Variants in MED12L observed in about 807,000 individuals in gnomAD.
The protein encoded by MED12L is mediator complex subunit 12L.
MED12L carries 60 observed loss-of-function variants against 281.3 expected under a neutral mutation model. The observed-to-expected ratio is 0.21, with a 90% CI of 0.17 to 0.26. The LOEUF (loss-of-function observed/expected upper bound fraction) is 0.26. Ranked by LOEUF, MED12L falls within the 10% of genes least tolerant of loss-of-function variation. MED12L has a pLI of 1.00. For synonymous variants in MED12L, 974 were observed against 987.2 expected (o/e 0.99, Z 0.25); for missense variants, 2,146 against 2,680.9 (o/e 0.80, Z 4.41).
intron 39 of MED12L, among the ~76,000 whole-genome samples, chr3:151,406,904 A>G (rs1343165579): frequency 6.6e-6 from 1 of 151,442 alleles, no homozygotes; most frequent in African/African-American, 2.4e-5. Flanking sequence ...AGGCCAAGGA[A>G]TCCTCTCACC....
chr3:151,319,877 T>C (rs930184680), intron 16 of MED12L, among the ~76,000 whole-genome samples: 1 of 152,218 alleles, frequency 6.6e-6, no homozygotes, highest in African/African-American at 2.4e-5. Context: ...GTAATCTTAC[T>C]GATTTTTCAA....
At chr3:151,386,050 T>G (rs1227570736) in intron 36 of MED12L, among the ~76,000 whole-genome samples, 2 of 152,152 alleles carry the variant, frequency 1.3e-5, no homozygotes, top group Non-Finnish European at 2.9e-5. Context: ...CCAGGAAAAT[T>G]GACACGAGTC....
rs555211514 is a variant in MED12L at position 151,435,599 on chromosome 3, C to T, written c.*2795C>T. On this transcript the variant is annotated 3_prime_UTR_variant, in exon 45 of 45. Transcript: ENST00000687756. The stretch of plus-strand genomic sequence containing the variant: ...TATCTAAGACCTATGGCATTTTTTT[C>T]CCATTTATAAAGCTCCTATAATTCT... 6.9e-6 allele frequency: 1 copy of T among 144,460 alleles called. No homozygotes were observed. The highest frequency in any genetic ancestry group is 2.1e-4 in the East Asian group (1 of 4,772). The allele number at this position is 144,460 out of a possible 1,614,324, so 8.9% of individuals were successfully genotyped here.
intron 5 of MED12L, among the ~76,000 whole-genome samples, chr3:151,133,673 A>G (rs1047398325): frequency 6.6e-6 from 1 of 152,044 alleles, no homozygotes; most frequent in African/African-American, 2.4e-5. Context: ...TTGCTACTTG[A>G]GGGAGAGTAC....
intron 5 of MED12L, among the ~76,000 whole-genome samples, chr3:151,152,204 G>A (rs1718646294): frequency 6.8e-6 from 1 of 146,742 alleles, no homozygotes; most frequent in African/African-American, 2.5e-5. Flanking sequence ...GGCTCAAGCG[G>A]CCTTCTGACT....
chr3:151,237,195 C>T (rs757793807), intron 16 of MED12L, among the ~76,000 whole-genome samples: 26 of 150,338 alleles, frequency 1.7e-4, no homozygotes, highest in Non-Finnish European at 8.9e-5. Flanking sequence ...CATGCCACCA[C>T]GCCCAGCTAA....
chr3:151,391,793 C>T (rs1247040348), intron 38 of MED12L, among the ~76,000 whole-genome samples: 1 of 152,050 alleles, frequency 6.6e-6, no homozygotes, highest in African/African-American at 2.4e-5. Flanking sequence ...AGATATTTTT[C>T]CTATTATGTT....
At chr3:151,382,878 A>C (rs781654186) in intron 33 of MED12L, 133 bp downstream of exon 33, 2 of 643,552 alleles carry the variant, frequency 3.1e-6, no homozygotes, top group Non-Finnish European at 5.3e-6. Flanking sequence ...CTCTGTAATT[A>C]CTTCCCTGTT....
chr3:151,120,639 G>A (rs1445942816), intron 3 of MED12L, among the ~76,000 whole-genome samples: 1 of 152,182 alleles, frequency 6.6e-6, no homozygotes, highest in Non-Finnish European at 1.5e-5. Flanking sequence ...AATAATAGAT[G>A]TGTGTTTACT....
At chr3:151,182,903 T>G (rs747523332) in intron 11 of MED12L, among the ~76,000 whole-genome samples, 2 of 152,152 alleles carry the variant, frequency 1.3e-5, no homozygotes, top group Non-Finnish European at 2.9e-5. Flanking sequence ...TTGGGATAAC[T>G]ACTTCCAGGT....
chr3:151,253,343 C>T (rs533743344), intron 16 of MED12L, among the ~76,000 whole-genome samples: 3 of 152,346 alleles, frequency 2.0e-5, no homozygotes, highest in East Asian at 3.9e-4. Context: ...GCTCTTACCC[C>T]TCACTCCAGT....
intron 16 of MED12L, among the ~76,000 whole-genome samples, chr3:151,314,969 A>G (rs1430438463): frequency 6.6e-6 from 1 of 152,158 alleles, no homozygotes; most frequent in African/African-American, 2.4e-5. Flanking sequence ...CTTTAAACCC[A>G]AACTACTGCC....
intron 16 of MED12L, among the ~76,000 whole-genome samples, chr3:151,235,845 G>T (rs2149350179): frequency 6.6e-6 from 1 of 152,204 alleles, no homozygotes; most frequent in South Asian, 2.1e-4. Flanking sequence ...TTCTCAGCAA[G>T]GCCTTTCCTG....
intron 16 of MED12L, among the ~76,000 whole-genome samples, chr3:151,215,591 T>A (rs1320569486): frequency 2.0e-5 from 3 of 152,212 alleles, no homozygotes; most frequent in Non-Finnish European, 4.4e-5. Flanking sequence ...AGGAATCCTG[T>A]ATATTCTTCA....
At chr3:151,146,331 G>T (rs1264519374) in intron 5 of MED12L, among the ~76,000 whole-genome samples, 1 of 152,098 alleles carries the variant, frequency 6.6e-6, no homozygotes, top group East Asian at 1.9e-4. Flanking sequence ...TCTGTGTGTG[G>T]AACTCCTTTG....
rs57658133 is a variant in MED12L, at chr3:151,181,576, C to CT, written c.1495-3727dup. On this transcript the variant is annotated intron_variant, in intron 11 of 44. Transcript: ENST00000687756. ...CATGCCACTGTACTTAGCTCATTGT[C>CT]TTTTTTTTTTTTTTTTTTTTTTTTT... is the stretch of plus-strand genomic sequence containing the variant. 2.3e-3 allele frequency among the ~76,000 whole-genome samples: 110 copies of CT among 47,094 alleles called. 6 individuals carry two copies. Among genetic ancestry groups the CT allele is most frequent in the South Asian group, 6.7e-3 (6 of 900 alleles). 30.9% of individuals were successfully genotyped at this position (47,094 alleles called of 152,430 possible).
intron 43 of MED12L, among the ~76,000 whole-genome samples, chr3:151,419,516 C>G (rs926027029): frequency 1.3e-5 from 2 of 152,120 alleles, no homozygotes; most frequent in Non-Finnish European, 2.9e-5. Flanking sequence ...TCTGCCTTCC[C>G]CATCGCACTG....
chr3:151,236,268 A>G, intron 16 of MED12L, among the ~76,000 whole-genome samples: 1 of 152,220 alleles, frequency 6.6e-6, no homozygotes, highest in Non-Finnish European at 1.5e-5. Context: ...TTTGTTCAGC[A>G]CTTCTAGAGT....
intron 39 of MED12L, among the ~76,000 whole-genome samples, chr3:151,404,216 T>C (rs1160935231): frequency 6.6e-6 from 1 of 152,214 alleles, no homozygotes; most frequent in Non-Finnish European, 1.5e-5. Context: ...ATTTTACCAC[T>C]CTTATTTTTC....
Sources: gnomAD v4.1 joint callset for allele counts (sites outside exome capture counted in the v4.1 genomes callset) on GRCh38, gnomAD v4.1.1 for gene constraint, MANE v1.5 for transcripts, NCBI Gene and HGNC (gene_info 2026-07-23, HGNC 2026-07-21) for gene names.